The following USP16 variants were observed in gnomAD, a reference collection of about 807,000 sequenced individuals.
USP16 encodes ubiquitin specific peptidase 16.
In USP16, 77 loss-of-function variants were observed where a neutral mutation model predicts 95.9. The ratio of observed to expected loss-of-function variants is 0.80; its 90% CI spans 0.67 to 0.97. The LOEUF is 0.97. USP16 is among the 50% of genes least tolerant of loss of function. The pLI is 0.00. For synonymous variants in USP16, 303 were observed against 318.2 expected, an observed-to-expected ratio of 0.95 and a Z score of 0.51; for missense variants, 943 against 959.9, an observed-to-expected ratio of 0.98 and a Z score of 0.23.
At position 29,047,235 on chromosome 21, in the gene USP16, G is replaced by A. The variant is rs765653234; in HGVS notation, c.1925G>A (p.Arg642His). 73 of 1,613,992 alleles carry A rather than the reference G, an allele frequency of 4.5e-5. No individual in the cohort carries two copies. Among genetic ancestry groups the A allele is most frequent in the East Asian group, 8.9e-5 (4 of 44,890 alleles). The change falls in exon 14 of 18, where the codon CGT (arginine) becomes CAT (histidine). Residue 642 changes from arginine to histidine, a missense_variant. Transcript: ENST00000399976. ...CAACATTGTTTATATCAGTTCACCC[G>A]TAATGAGAAACTTCGAGATGCGAAT... The part of the protein sequence containing the change: ...SIQHCLYQFT[R>H]NEKLRDANKL...
chr21:29,025,794 C>T, intron 1 of USP16: 3 of 923,712 alleles, frequency 3.2e-6, no homozygotes, highest in Non-Finnish European at 3.9e-6. Context: ...TTTTCTATTT[C>T]AATGCAAGAA....
At chr21:29,041,506 C>T (rs556002467) in intron 10 of USP16, among the ~76,000 whole-genome samples, 1 of 152,186 alleles carries the variant, frequency 6.6e-6, no homozygotes, top group South Asian at 2.1e-4. Flanking sequence ...AAATATTTTC[C>T]TGAGGTTTTT....
In USP16 at chr21:29,054,232, TA is replaced by T; in HGVS notation, c.*47del. ...TCTGGAAACACATTTATGGCTTTTA[TA>T]ATGGCTGAAATAACGATAAAAAAAG... On this transcript the variant is annotated 3_prime_UTR_variant, in exon 18 of 18. Coordinates refer to ENST00000399976, the MANE Select transcript of USP16 (RefSeq NM_006447.3). 6.3e-7 allele frequency: 1 copy of T among 1,575,666 alleles called. No individual in the cohort carries two copies. The highest frequency in any genetic ancestry group is 8.7e-7 in the Non-Finnish European group (1 of 1,152,784).
chr21:29,048,317 A>G (rs904317577), intron 14 of USP16, among the ~76,000 whole-genome samples: 1 of 152,046 alleles, frequency 6.6e-6, no homozygotes, highest in African/African-American at 2.4e-5. Context: ...TCCTAACCTC[A>G]AGTGATTTGC....
At chr21:29,030,874 G>C in intron 3 of USP16, 101 bp downstream of exon 3, 3 of 1,325,118 alleles carry the variant, frequency 2.3e-6, no homozygotes, top group Non-Finnish European at 3.1e-6. Context: ...AAGGATACTA[G>C]TAACATAGAT....
intron 1 of USP16, chr21:29,024,982 G>A (rs2084964081): frequency 2.2e-6 from 1 of 453,220 alleles, no homozygotes; most frequent in Admixed American, 4.7e-5. Context: ...CGCTGCTGGC[G>A]GCCTTCTCGA....
At chr21:29,040,831 G>A (rs980934088) in intron 10 of USP16, 144 bp downstream of exon 10, 2 of 403,734 alleles carry the variant, frequency 5.0e-6, no homozygotes, top group South Asian at 1.1e-4. Flanking sequence ...AAATTATTCA[G>A]TGCTCCAGAA....
In USP16 at chr21:29,043,541, C is replaced by G; in HGVS notation, c.1298C>G (p.Ser433Cys). ...SYIKERSDIP[S>C]GTSKHLQKKA... is the part of the protein sequence containing the mutation. ...ATAAAAGAGAGAAGTGATATTCCTTCTGGAACAAGTAAGCACTTACAGAAA... is the reference window on the plus strand; with the variant it reads ...ATAAAAGAGAGAAGTGATATTCCTTGTGGAACAAGTAAGCACTTACAGAAA... Residue 433 changes from serine to cysteine, a missense_variant, in exon 13 of 18, where the codon TCT becomes TGT. Physicochemically the swap from Ser to Cys is moderately radical, Grantham distance 112 (BLOSUM62 -1). Transcript: ENST00000399976. The G allele has an allele frequency of 6.3e-7, 1 of 1,598,184 alleles. No individual in the cohort carries two copies. Among genetic ancestry groups the G allele is most frequent in the Admixed American group, 1.8e-5 (1 of 57,020 alleles).
chr21:29,031,132 T>G (rs901290349), intron 3 of USP16, among the ~76,000 whole-genome samples: 2 of 152,220 alleles, frequency 1.3e-5, no homozygotes, highest in Non-Finnish European at 2.9e-5. Context: ...GGAAGTAACC[T>G]TGGGCAAGGC....
intron 16 of USP16, 143 bp downstream of exon 16, chr21:29,050,321 T>G (rs2085395520): frequency 1.5e-6 from 1 of 666,734 alleles, no homozygotes; most frequent in East Asian, 2.9e-5. Context: ...CCTTTATAAT[T>G]TGAAGATTAG....
chr21:29,044,748 ATTCT>A lies in USP16; in HGVS notation c.1356+1172_1356+1175del, dbSNP rs564605028. Among the ~76,000 whole-genome samples the A allele has an allele frequency of 2.0e-4, 31 of 151,568 alleles. No individual in the cohort carries two copies. The East Asian group carries it at 2.1e-3, about 10-fold the overall frequency. On this transcript the variant is annotated intron_variant, in intron 13 of 17. Transcript: ENST00000399976. ...AGATGTGAGACACCGTGCCTGGCCC[ATTCT>A]TTCTTTCTTTCTTTCTTTCTTTTTT...
At chr21:29,035,728 A>G (rs945468672) in intron 4 of USP16, among the ~76,000 whole-genome samples, 8 of 151,948 alleles carry the variant, frequency 5.3e-5, no homozygotes, top group African/African-American at 1.9e-4. Flanking sequence ...TTGTCTGGCT[A>G]ACACGTTGAA....
chr21:29,030,926 G>C (rs1336214510), intron 3 of USP16, among the ~76,000 whole-genome samples, 153 bp downstream of exon 3: 2 of 152,200 alleles, frequency 1.3e-5, no homozygotes, highest in Admixed American at 1.3e-4. Flanking sequence ...GTGTATAGGT[G>C]GTGGAGTGTT....
At chr21:29,025,518 A>G (rs2084973707) in intron 1 of USP16, among the ~76,000 whole-genome samples, 1 of 152,210 alleles carries the variant, frequency 6.6e-6, no homozygotes, top group Admixed American at 6.5e-5. Context: ...TAGTTGTCAG[A>G]ACTTTACTGA....
At chr21:29,049,500 G>T (rs1035969813) in intron 15 of USP16, among the ~76,000 whole-genome samples, 1 of 152,120 alleles carries the variant, frequency 6.6e-6, no homozygotes, top group Non-Finnish European at 1.5e-5. Flanking sequence ...CAGAACCTGT[G>T]GTCTAATCTG....
At position 29,045,648 on chromosome 21, in the gene USP16, G is replaced by A. The variant is rs1047621318; in HGVS notation, c.1357-1019G>A. On this transcript the variant is annotated intron_variant, in intron 13 of 17. Transcript: ENST00000399976. Reference sequence around the variant, plus strand: ...CTGTTAGTGTGGAGTCAGACCCACCGTGTGGTATAACATTTGACTGCCTGG... The same window carrying A: ...CTGTTAGTGTGGAGTCAGACCCACCATGTGGTATAACATTTGACTGCCTGG... Among the ~76,000 whole-genome samples the A allele has an allele frequency of 3.3e-5, 5 of 151,984 alleles. No homozygotes were observed. In the South Asian group the frequency reaches 6.2e-4, roughly 19 times the overall value.
chr21:29,049,698 T>C (rs1445864897), intron 15 of USP16, among the ~76,000 whole-genome samples: 1 of 152,188 alleles, frequency 6.6e-6, no homozygotes, highest in Non-Finnish European at 1.5e-5. Context: ...TAGCTGGGAC[T>C]ATAGGTGGCT....
chr21:29,053,758 A>G, intron 16 of USP16, 44 bp from the exon 17 acceptor site: 7 of 1,589,626 alleles, frequency 4.4e-6, no homozygotes, highest in Non-Finnish European at 6.0e-6. Flanking sequence ...ACATCTGTGT[A>G]AATGGAACTA....
At chr21:29,036,814 G>T (rs549735040) in intron 5 of USP16, among the ~76,000 whole-genome samples, 2 of 152,316 alleles carry the variant, frequency 1.3e-5, no homozygotes, top group East Asian at 3.9e-4. Context: ...TTTGCTTTAA[G>T]CATGTTTTTT....
Sources: gnomAD v4.1 joint callset for allele counts (sites outside exome capture counted in the v4.1 genomes callset) on GRCh38, gnomAD v4.1.1 for gene constraint, MANE v1.5 for transcripts, NCBI Gene and HGNC (gene_info 2026-07-23, HGNC 2026-07-21) for gene names.